The following COL22A1 variants were observed in gnomAD, a reference collection of about 807,000 sequenced individuals.
The protein encoded by COL22A1 is collagen type XXII alpha 1 chain, also known as collagen alpha-1(XXII) chain.
Under a neutral mutation model 248.9 loss-of-function variants are expected in COL22A1, and 221 were observed. The ratio of observed to expected loss-of-function variants is 0.89; its 90% CI spans 0.80 to 0.99. The LOEUF (loss-of-function observed/expected upper bound fraction) is 0.99. Among genes scored for constraint, COL22A1 ranks in the 50% least tolerant of loss-of-function variants. The probability of loss-of-function intolerance (pLI) is 0.00; values close to 1 mark genes in which losing one functional copy is unlikely to be tolerated. For synonymous variants in COL22A1, 891 were observed against 793.4 expected (o/e 1.12, Z -2.07); for missense variants, 2,240 against 2,179.0 (o/e 1.03, Z -0.56).
intron 16 of COL22A1, among the ~76,000 whole-genome samples, chr8:138,772,893 A>G (rs1834501778): frequency 6.6e-6 from 1 of 151,974 alleles, no homozygotes; most frequent in Admixed American, 6.6e-5. Flanking sequence ...AACAACAAAA[A>G]ACCCATAGTT....
At chr8:138,700,445 G>A (rs1234638171) in intron 31 of COL22A1, among the ~76,000 whole-genome samples, 1 of 152,024 alleles carries the variant, frequency 6.6e-6, no homozygotes. Flanking sequence ...GGTAAAACGG[G>A]AAAGAAACAT....
At chr8:138,681,744 C>T (rs1269824715) in intron 39 of COL22A1, among the ~76,000 whole-genome samples, 3 of 152,230 alleles carry the variant, frequency 2.0e-5, no homozygotes, top group Non-Finnish European at 4.4e-5. Flanking sequence ...TGCCCCTCTC[C>T]ATATATACCC....
In COL22A1 at chr8:138,737,574, T is replaced by C; in HGVS notation, c.2089A>G (p.Lys697Glu). 6.2e-7 allele frequency: 1 copy of C among 1,608,586 alleles called. No homozygotes were observed. Among genetic ancestry groups the C allele is most frequent in the Non-Finnish European group, 8.5e-7 (1 of 1,175,544 alleles). Residue 697 changes from lysine to glutamate, a missense_variant, in exon 23 of 65, where the codon AAG (lysine) becomes GAG (glutamate). By Grantham distance (56) the Lys-to-Glu change is moderately conservative. Transcript: ENST00000303045. Reference sequence around the variant, plus strand: ...CCAGGTGGTCCCATGTCACCTTTCTTCCCCTGAGTGTAAAAGAAGAAGCTA... The same window carrying C: ...CCAGGTGGTCCCATGTCACCTTTCTCCCCCTGAGTGTAAAAGAAGAAGCTA... ...GPPGLQGLRG[K>E]KGDMGPPGIP...
intron 5 of COL22A1, among the ~76,000 whole-genome samples, chr8:138,832,565 A>G (rs901674538): frequency 2.6e-5 from 4 of 152,174 alleles, no homozygotes; most frequent in African/African-American, 9.7e-5. Context: ...TGAAAACATG[A>G]GAAACTCGAG....
intron 41 of COL22A1, among the ~76,000 whole-genome samples, chr8:138,664,440 C>T (rs1824320676): frequency 6.6e-6 from 1 of 152,082 alleles, no homozygotes; most frequent in Admixed American, 6.5e-5. Context: ...CTTTGCGATG[C>T]TTGTGCATTT....
chr8:138,792,442 C>T (rs1212319335), intron 12 of COL22A1, among the ~76,000 whole-genome samples: 1 of 152,192 alleles, frequency 6.6e-6, no homozygotes, highest in East Asian at 1.9e-4. Context: ...TCAGGGTCAC[C>T]TTCATCTTCT....
chr8:138,876,473 T>G (rs557851419), intron 3 of COL22A1, among the ~76,000 whole-genome samples: 9 of 152,182 alleles, frequency 5.9e-5, no homozygotes, highest in Non-Finnish European at 1.3e-4. Context: ...CTTGTCTTTT[T>G]CTGTAGCCCC....
intron 25 of COL22A1, among the ~76,000 whole-genome samples, chr8:138,723,040 C>T (rs899345236): frequency 2.7e-5 from 4 of 149,500 alleles, no homozygotes; most frequent in Admixed American, 1.4e-4. Flanking sequence ...ATCCTGCACA[C>T]GTACCCTGGA....
chr8:138,772,041 T>C (rs1029711308), intron 16 of COL22A1, among the ~76,000 whole-genome samples: 3 of 152,294 alleles, frequency 2.0e-5, no homozygotes, highest in South Asian at 2.1e-4. Context: ...GGCAGCTTCC[T>C]GTTGGCCGTC....
At chr8:138,696,318 C>G (rs1455658488) in intron 32 of COL22A1, among the ~76,000 whole-genome samples, 2 of 152,180 alleles carry the variant, frequency 1.3e-5, no homozygotes, top group Non-Finnish European at 2.9e-5. Context: ...CTGGGATGAG[C>G]ATCTGCCTTG....
intron 27 of COL22A1, among the ~76,000 whole-genome samples, chr8:138,717,391 C>G (rs1586557180): frequency 6.6e-6 from 1 of 152,274 alleles, no homozygotes; most frequent in African/African-American, 2.4e-5. Flanking sequence ...TCGTGATCAG[C>G]CTGCCTCGGC....
chr8:138,739,043 G>A (rs79678909), intron 22 of COL22A1, among the ~76,000 whole-genome samples: 1 of 152,114 alleles, frequency 6.6e-6, no homozygotes, highest in Non-Finnish European at 1.5e-5. Context: ...CTTCTAAACA[G>A]TGCCTCCCTT....
chr8:138,637,036 G>A (rs1388357299), intron 47 of COL22A1, among the ~76,000 whole-genome samples: 1 of 151,948 alleles, frequency 6.6e-6, no homozygotes, highest in African/African-American at 2.4e-5. Context: ...GCAGGAAAGG[G>A]GCCAGGGAGG....
chr8:138,775,573 T>G (rs868672243), intron 16 of COL22A1, among the ~76,000 whole-genome samples: 1 of 152,138 alleles, frequency 6.6e-6, no homozygotes, highest in African/African-American at 2.4e-5. Flanking sequence ...AGAGCCAGGG[T>G]AACTGAGGAC....
rs4588898 is a variant in COL22A1, at chr8:138,733,965, C to A, written c.2139+3559G>T. Among the ~76,000 whole-genome samples, 3 of 151,842 alleles carry A rather than the reference C, an allele frequency of 2.0e-5. No individual in the cohort carries two copies. In the East Asian group the frequency reaches 5.8e-4, roughly 29 times the overall value. ...ATCACCCCTGGACCAGGTACTAGAC[C>A]GTGAGAAACCACCTGTACAGCTTGG... is the stretch of plus-strand genomic sequence containing the variant. On this transcript the variant is annotated intron_variant, in intron 23 of 64. Transcript: ENST00000303045.
rs1269287631 is a variant in COL22A1, at chr8:138,685,305, G to C, written c.2870C>G (p.Ala957Gly). The C allele has an allele frequency of 3.1e-6, 5 of 1,613,044 alleles. No homozygotes were observed. In the Admixed American group the frequency reaches 8.3e-5, roughly 27 times the overall value. The change falls in exon 38 of 65, where the codon GCG becomes GGG. Residue 957 changes from alanine to glycine, a missense_variant. Coordinates refer to ENST00000303045, the MANE Select transcript of COL22A1 (RefSeq NM_152888.3). ...TGGCCCTGGGCTGCCTTCTTCCCCCGCTGCACCCTGGAAAGAAAAGTAGAC... is the reference window on the plus strand; with the variant it reads ...TGGCCCTGGGCTGCCTTCTTCCCCCCCTGCACCCTGGAAAGAAAAGTAGAC... ...KDGERGEKGA[A>G]GEEGSPGPVG... is the part of the protein sequence containing the mutation.
At chr8:138,837,665 TGGG>T in intron 4 of COL22A1, among the ~76,000 whole-genome samples, 1 of 152,274 alleles carries the variant, frequency 6.6e-6, no homozygotes, top group South Asian at 2.1e-4. Context: ...GGAAGTGTCC[TGGG>T]GCCTGAGGAG....
intron 22 of COL22A1, among the ~76,000 whole-genome samples, chr8:138,748,174 C>T (rs1832284287): frequency 6.6e-6 from 1 of 152,146 alleles, no homozygotes; most frequent in Non-Finnish European, 1.5e-5. Context: ...CTTGGATGTG[C>T]CTATTTCCAG....
intron 10 of COL22A1, among the ~76,000 whole-genome samples, chr8:138,805,485 A>ATGTGATGGGGTG (rs1817467067): frequency 9.0e-6 from 1 of 111,006 alleles, no homozygotes; most frequent in Non-Finnish European, 1.8e-5. Flanking sequence ...ATGGGATGGC[A>ATGTGATGGGGTG]TGTGATGGTG....
Sources: allele counts gnomAD v4.1 joint callset (sites outside exome capture counted in the v4.1 genomes callset), GRCh38; gene constraint gnomAD v4.1.1; transcripts MANE v1.5; gene names NCBI Gene and HGNC (gene_info 2026-07-23, HGNC 2026-07-21).